SRPRA: variants seen among roughly 807,000 people sequenced by gnomAD.
The protein encoded by SRPRA is signal recognition particle receptor subunit alpha.
In SRPRA, 30 loss-of-function variants were observed where a neutral mutation model predicts 61.1. The ratio of observed to expected loss-of-function variants is 0.49; its 90% CI spans 0.37 to 0.67. The LOEUF is 0.67. Ranked by LOEUF, SRPRA falls within the 30% of genes least tolerant of loss-of-function variation. The pLI is 0.00. For synonymous variants in SRPRA, 324 were observed against 299.7 expected, an observed-to-expected ratio of 1.08 and a Z score of -0.84; for missense variants, 759 against 828.4, an observed-to-expected ratio of 0.92 and a Z score of 1.03.
At chr11:126,256,444 C>G in the SRPRA span, 4 of 794,942 alleles carry the variant, frequency 5.0e-6, no homozygotes, top group Non-Finnish European at 7.9e-6. This position sits in a 1 kb window ranked among gnomAD's most constrained non-coding sequence, Gnocchi z 6.6. Flanking sequence ...TGGGACATAC[C>G]AACCCACTTA....
chr11:126,261,363 T>G, downstream of SRPRA: 1 of 1,418,344 alleles, frequency 7.1e-7, no homozygotes, highest in Non-Finnish European at 1.0e-6. Flanking sequence ...TTTAGTTTTC[T>G]TTTTGCTATT....
Position 126,264,201 on chromosome 11 carries a change from A to G in SRPRA, c.1778T>C (p.Ile593Thr). The change falls in exon 13 of 14, where the codon ATT becomes ACT. Residue 593 changes from isoleucine (I) to threonine (T), a missense_variant. By Grantham distance (89) the Ile-to-Thr change is moderately conservative (BLOSUM62 -1). This residue lies in a region of SRPRA where 284 missense variants were observed against 365.9 expected (regional missense o/e 0.78). Coordinates refer to ENST00000332118, the MANE Select transcript of SRPRA (RefSeq NM_003139.4). This position sits in a 1 kb window ranked among gnomAD's most constrained non-coding sequence, Gnocchi z 5.0. ...DGIVLTKFDT[I>T]DDKVGAAISM... Reference sequence around the variant, plus strand: ...CAGTCTCACGTTTACCTTGTCATCAATGGTATCAAATTTGGTAAGAACAAT... The same window carrying G: ...CAGTCTCACGTTTACCTTGTCATCAGTGGTATCAAATTTGGTAAGAACAAT... The G allele has an allele frequency of 2.5e-6, 4 of 1,614,080 alleles. No homozygotes were observed. Among genetic ancestry groups the G allele is most frequent in the African/African-American group, 1.3e-5 (1 of 75,026 alleles).
At chr11:126,245,170 C>A in the SRPRA span, 2 of 152,006 alleles carry the variant, frequency 1.3e-5, no homozygotes, top group African/African-American at 4.8e-5. Flanking sequence ...GAGGGGTGAA[C>A]AAACACAGAT....
At chr11:126,238,226 G>A in the SRPRA span, among the ~76,000 whole-genome samples, 1 of 152,056 alleles carries the variant, frequency 6.6e-6, no homozygotes. Flanking sequence ...GCTGGGTGTG[G>A]TGGCACGTGC....
Position 126,268,744 on chromosome 11 carries a change from C to T in SRPRA, c.61G>A (p.Val21Ile), listed in dbSNP as rs1449858140. 1 of 1,613,892 alleles carries T rather than the reference C, an allele frequency of 6.2e-7. No individual in the cohort carries two copies. Among genetic ancestry groups the T allele is most frequent in the Non-Finnish European group, 8.5e-7 (1 of 1,180,046 alleles). The change falls in exon 1 of 14, where the codon GTT (valine) becomes ATT (isoleucine). Residue 21 changes from valine to isoleucine, a missense_variant. Val to Ile is a conservative substitution (Grantham distance 29). Around this residue, in one of 2 missense-constraint regions of SRPRA, gnomAD observed 475 missense variants for 462.5 expected, o/e 1.03. Coordinates refer to ENST00000332118, the MANE Select transcript of SRPRA (RefSeq NM_003139.4). ...ACGGGTCCGGTGCATGAGTCGCTAA[C>T]GCCCTGGAAGCACCAGAGCACAAGC... Reference protein sequence around the residue: ...GGLVLWCFQGVSDSCTGPVNA... With the variant: ...GGLVLWCFQGISDSCTGPVNA...
At chr11:126,258,666 C>T (rs1159016869), downstream of SRPRA, among the ~76,000 whole-genome samples, 1 of 152,164 alleles carries the variant, frequency 6.6e-6, no homozygotes, top group Non-Finnish European at 1.5e-5. Context: ...TGTTGTTTGC[C>T]CACACTTGAG....
At chr11:126,253,757 A>G in the SRPRA span, among the ~76,000 whole-genome samples, 1 of 152,326 alleles carries the variant, frequency 6.6e-6, no homozygotes, top group East Asian at 1.9e-4. The surrounding 1 kb of genome is among the most constrained non-coding windows in gnomAD (Gnocchi z 5.1). Context: ...GCCAGGCCAT[A>G]TATGTCCCAG....
chr11:126,252,215 G>A, the SRPRA span, among the ~76,000 whole-genome samples: 1 of 152,118 alleles, frequency 6.6e-6, no homozygotes, highest in South Asian at 2.1e-4. This position sits in a 1 kb window ranked among gnomAD's most constrained non-coding sequence, Gnocchi z 4.7. Context: ...TCGAACTCCT[G>A]ACCTCAGGTG....
chr11:126,258,219 G>A (rs532115334), downstream of SRPRA, among the ~76,000 whole-genome samples: 6 of 152,082 alleles, frequency 3.9e-5, no homozygotes, highest in East Asian at 1.2e-3. Flanking sequence ...AACATAGTGA[G>A]AACCTGTCTC....
the SRPRA span, among the ~76,000 whole-genome samples, chr11:126,257,407 G>C: frequency 6.6e-6 from 1 of 151,998 alleles, no homozygotes; most frequent in Non-Finnish European, 1.5e-5. Context: ...GAATGTAGTG[G>C]CAAAAAATTG....
intron 1 of SRPRA, 36 bp downstream of exon 1, chr11:126,268,652 G>T (rs778088999): frequency 1.8e-5 from 28 of 1,568,938 alleles, no homozygotes; most frequent in Non-Finnish European, 2.3e-5. Context: ...GGTCAGGAAA[G>T]AAGAGCCTGG....
chr11:126,244,254 A>G, the SRPRA span, among the ~76,000 whole-genome samples: 1 of 152,230 alleles, frequency 6.6e-6, no homozygotes, highest in African/African-American at 2.4e-5. This position sits in a 1 kb window ranked among gnomAD's most constrained non-coding sequence, Gnocchi z 4.5. Flanking sequence ...GCAGTTAAGC[A>G]AGAAAACTAA....
chr11:126,236,588 G>A, the SRPRA span, among the ~76,000 whole-genome samples: 1 of 152,222 alleles, frequency 6.6e-6, no homozygotes, highest in East Asian at 1.9e-4. Context: ...TAGACACCGG[G>A]CAGCTCTTTA....
At chr11:126,268,132 C>T (rs1950858747) in intron 1 of SRPRA, 46 bp from the exon 2 acceptor site, 1 of 1,578,280 alleles carries the variant, frequency 6.3e-7, no homozygotes, top group Non-Finnish European at 8.7e-7. Flanking sequence ...CCCAGAAAAC[C>T]CAGGTTTGGG....
At chr11:126,249,640 A>G in the SRPRA span, among the ~76,000 whole-genome samples, 6 of 147,252 alleles carry the variant, frequency 4.1e-5, no homozygotes, top group East Asian at 1.3e-3. Context: ...CTGAGGCAGG[A>G]GAATTGCTTG....
At chr11:126,260,207 A>AT (rs1465017563), downstream of SRPRA, among the ~76,000 whole-genome samples, 5 of 151,358 alleles carry the variant, frequency 3.3e-5, no homozygotes, top group Non-Finnish European at 7.4e-5. Context: ...TAATTTTTGT[A>AT]TTTTTTGTAG....
the SRPRA span, chr11:126,254,267 C>T: frequency 2.3e-5 from 37 of 1,603,274 alleles, no homozygotes; most frequent in African/African-American, 4.4e-4. Context: ...AGGTGCTCAG[C>T]CCTGCCAAGC....
In SRPRA at chr11:126,267,632, G is replaced by A. The variant is rs1041906044; in HGVS notation, c.282C>T (p.Tyr94=). ...CACTTTGCTGTTGGATCTCTGTGCG[G>A]TACTTGTCCCGAAACAGCCGATGCA... ...DDVHRLFRDK[Y]RTEIQQQSAL... Residue 94 remains tyrosine (Y), a synonymous_variant, in exon 3 of 14, where the codon TAC becomes TAT. Transcript: ENST00000332118. The surrounding 1 kb of genome is among the most constrained non-coding windows in gnomAD (Gnocchi z 4.2). 3.7e-6 allele frequency: 6 copies of A among 1,613,994 alleles called. No individual in the cohort carries two copies. The African/African-American group carries it at 5.3e-5, about 14-fold the overall frequency.
chr11:126,258,632 C>G (rs974722794), downstream of SRPRA, among the ~76,000 whole-genome samples: 2 of 152,172 alleles, frequency 1.3e-5, no homozygotes, highest in African/African-American at 4.8e-5. Flanking sequence ...TTCTGGTGTC[C>G]TGCAGTGTTC....
Sources: allele counts gnomAD v4.1 joint callset (sites outside exome capture counted in the v4.1 genomes callset), GRCh38; gene constraint gnomAD v4.1.1; regional missense constraint gnomAD v4.1.1; non-coding constraint Gnocchi (gnomAD v3.1); transcripts MANE v1.5; gene names NCBI Gene and HGNC (gene_info 2026-07-23, HGNC 2026-07-21).